BRI3BP: variants seen among roughly 807,000 people sequenced by gnomAD.
BRI3BP encodes the protein BRI3-binding protein.
A neutral mutation model predicts 15.8 loss-of-function variants in BRI3BP; 7 were observed. The ratio of observed to expected loss-of-function variants is 0.44; its 90% confidence interval spans 0.25 to 0.83. BRI3BP has a LOEUF of 0.83. BRI3BP is among the 40% of genes least tolerant of loss of function. The probability of loss-of-function intolerance (pLI) is 0.20; values close to 1 mark genes in which losing one functional copy is unlikely to be tolerated. For missense variants in BRI3BP, 320 were observed against 339.3 expected (o/e 0.94, Z 0.45); for synonymous variants, 192 against 163.5 (o/e 1.17, Z -1.33).
At chr12:125,008,657 C>T (rs907588615) in intron 1 of BRI3BP, among the ~76,000 whole-genome samples, 7 of 152,220 alleles carry the variant, frequency 4.6e-5, no homozygotes, top group East Asian at 1.9e-4. Flanking sequence ...TTTTTGGCAG[C>T]GGGACCAGTT....
Position 125,025,126 on chromosome 12 carries a change from A to ACC in BRI3BP, c.453_454insCC (p.Val152ProfsTer47). The ACC allele has an allele frequency of 6.2e-7, 1 of 1,614,074 alleles. No homozygotes were observed. The highest frequency in any genetic ancestry group is 8.5e-7 in the Non-Finnish European group (1 of 1,180,018). ...CTGGGCTTCACTTTCAGCGTCCTGC[A>ACC]CGTGGTGTTCGGCCGCTTCTTCTGG... is the stretch of plus-strand genomic sequence containing the variant. On this transcript the variant is annotated frameshift_variant, in exon 3 of 3. Coordinates refer to ENST00000341446, the MANE Select transcript of BRI3BP (RefSeq NM_080626.6). LOFTEE classifies it high-confidence loss of function.
At chr12:125,051,135 T>G in the BRI3BP span, among the ~76,000 whole-genome samples, 1 of 152,218 alleles carries the variant, frequency 6.6e-6, no homozygotes, top group South Asian at 2.1e-4. Flanking sequence ...GGTCTGAGTC[T>G]CTTTAGGATT....
At position 125,025,845 on chromosome 12, in the gene BRI3BP, C is replaced by A; in HGVS notation, c.*415C>A. On this transcript the variant is annotated 3_prime_UTR_variant, in exon 3 of 3. Coordinates refer to ENST00000341446, the MANE Select transcript of BRI3BP (RefSeq NM_080626.6). ...GGAGGGGAAGAATATGCTAATTTGA[C>A]ATTTGAGAAAAGTTTAAATGCGAGC... is the stretch of plus-strand genomic sequence containing the variant. The A allele has an allele frequency of 6.3e-6, 1 of 157,976 alleles. No homozygotes were observed. Among genetic ancestry groups the A allele is most frequent in the Non-Finnish European group, 1.4e-5 (1 of 72,090 alleles). The allele number at this position is 157,976 out of a possible 1,614,324, so 9.8% of individuals were successfully genotyped here.
rs372440511 is a variant in BRI3BP at position 125,012,385 on chromosome 12, C to T, written c.214-149C>T. ...TGATCAGTACCCAGTTCAAGTCAAT[C>T]CCCTGGGCCAGTAGTCCACATGTGT... On this transcript the variant is annotated intron_variant, in intron 1 of 2. Transcript: ENST00000341446. 121 of 643,094 alleles carry T rather than the reference C, an allele frequency of 1.9e-4. No individual in the cohort carries two copies. The East Asian group carries it at 2.2e-3, about 12-fold the overall frequency. The allele number at this position is 643,094 out of a possible 1,614,324, so 39.8% of individuals were successfully genotyped here.
the BRI3BP span, among the ~76,000 whole-genome samples, chr12:125,048,792 T>A: frequency 1.3e-5 from 2 of 151,968 alleles, no homozygotes; most frequent in Non-Finnish European, 2.9e-5. Context: ...TGGCATTTAG[T>A]CCTTGCCCTA....
chr12:125,049,751 G>C, the BRI3BP span, among the ~76,000 whole-genome samples: 1 of 152,230 alleles, frequency 6.6e-6, no homozygotes, highest in Admixed American at 6.5e-5. Context: ...TCTTCCAGAC[G>C]CGGAGGCCTG....
At chr12:125,024,329 GTTCC>G (rs1192286804) in intron 2 of BRI3BP, among the ~76,000 whole-genome samples, 2 of 148,276 alleles carry the variant, frequency 1.3e-5, no homozygotes, top group Admixed American at 1.4e-4. Context: ...CCCCCACGAG[GTTCC>G]TTCCTCCACA....
At chr12:125,040,628 C>T in the BRI3BP span, among the ~76,000 whole-genome samples, 1 of 152,092 alleles carries the variant, frequency 6.6e-6, no homozygotes, top group Non-Finnish European at 1.5e-5. Context: ...CAGGCGTGAG[C>T]CACTGCGCCC....
the BRI3BP span, among the ~76,000 whole-genome samples, chr12:125,045,523 G>A: frequency 1.3e-5 from 2 of 152,038 alleles, no homozygotes; most frequent in Non-Finnish European, 2.9e-5. Context: ...TAGTAGAGAC[G>A]GGGTTTCATC....
intron 2 of BRI3BP, among the ~76,000 whole-genome samples, chr12:125,019,632 ACC>A (rs202046852): frequency 8.4e-5 from 10 of 118,794 alleles, no homozygotes; most frequent in East Asian, 6.9e-4. Context: ...CATTAATTCC[ACC>A]CTTTTTTTTT....
chr12:125,050,113 G>T, the BRI3BP span, among the ~76,000 whole-genome samples: 1 of 152,188 alleles, frequency 6.6e-6, no homozygotes, highest in Non-Finnish European at 1.5e-5. Flanking sequence ...AGCACTTTGG[G>T]AGGCTGAGCC....
rs199583326 is a variant in BRI3BP, at chr12:125,025,400, C to T, written c.726C>T (p.Leu242=). 164 of 1,607,498 alleles carry T rather than the reference C, an allele frequency of 1.0e-4. No individual in the cohort carries two copies. The East Asian group carries it at 2.4e-3, about 24-fold the overall frequency. The change falls in exon 3 of 3, where the codon CTC becomes CTT. Residue 242 remains leucine (L), a synonymous_variant. Coordinates refer to ENST00000341446, the MANE Select transcript of BRI3BP (RefSeq NM_080626.6). ...TCAACATCCGTCTCAACCGGGTGCT[C>T]GAGAGCCTGGACCGCTCCAAGGACA... The part of the protein sequence containing the change: ...RLLNIRLNRV[L]ESLDRSKDK
At chr12:125,018,488 G>A (rs1002788046) in intron 2 of BRI3BP, among the ~76,000 whole-genome samples, 5 of 152,018 alleles carry the variant, frequency 3.3e-5, no homozygotes, top group African/African-American at 1.2e-4. Context: ...AGAAGGCCAC[G>A]TGAAGGCAGA....
intron 2 of BRI3BP, among the ~76,000 whole-genome samples, chr12:125,013,890 C>T (rs1955217600): frequency 1.3e-5 from 2 of 152,106 alleles, no homozygotes; most frequent in South Asian, 4.1e-4. Flanking sequence ...AAGGCAGCAA[C>T]GGTCATGGTA....
At chr12:125,031,996 T>G (rs1383017271), downstream of BRI3BP, among the ~76,000 whole-genome samples, 1 of 152,006 alleles carries the variant, frequency 6.6e-6, no homozygotes, top group Non-Finnish European at 1.5e-5. Flanking sequence ...TATTGTGAAG[T>G]TATCTGGGGG....
At chr12:125,020,264 C>T (rs1315568510) in intron 2 of BRI3BP, among the ~76,000 whole-genome samples, 1 of 152,172 alleles carries the variant, frequency 6.6e-6, no homozygotes, top group East Asian at 1.9e-4. Context: ...ATTTTCATTT[C>T]TTACAGTTTG....
chr12:125,034,312 T>C (rs1255958168), downstream of BRI3BP, among the ~76,000 whole-genome samples: 2 of 152,178 alleles, frequency 1.3e-5, no homozygotes, highest in Non-Finnish European at 1.5e-5. Context: ...TCCCAAAGTG[T>C]TGGGATTACA....
At chr12:125,047,383 C>T in the BRI3BP span, among the ~76,000 whole-genome samples, 1 of 152,122 alleles carries the variant, frequency 6.6e-6, no homozygotes, top group African/African-American at 2.4e-5. Context: ...CCATATTAGC[C>T]AGGATGGTCT....
At chr12:125,045,623 C>G in the BRI3BP span, among the ~76,000 whole-genome samples, 7 of 152,276 alleles carry the variant, frequency 4.6e-5, no homozygotes, top group Middle Eastern at 3.4e-3. Context: ...TGAACCGCCC[C>G]GCCTGGCCTC....
Sources: allele counts gnomAD v4.1 joint callset (sites outside exome capture counted in the v4.1 genomes callset), GRCh38; gene constraint gnomAD v4.1.1; transcripts MANE v1.5; gene names NCBI Gene and HGNC (gene_info 2026-07-23, HGNC 2026-07-21).